ETV2: variants seen among roughly 807,000 people sequenced by gnomAD.
ETV2 encodes ETS translocation variant 2.
Under a neutral mutation model 35.7 loss-of-function variants are expected in ETV2, and 34 were observed. The ratio of observed to expected loss-of-function variants is 0.95; its 90% CI spans 0.72 to 1.27. The LOEUF is 1.27. Among genes scored for constraint, ETV2 ranks in the 50% most tolerant of loss-of-function variants. The probability of loss-of-function intolerance (pLI) is 0.00; values close to 1 mark genes in which losing one functional copy is unlikely to be tolerated. For synonymous variants in ETV2, 207 were observed against 203.9 expected (o/e 1.02, Z -0.13); for missense variants, 512 against 470.5 (o/e 1.09, Z -0.82).
At position 35,644,358 on chromosome 19, in the gene ETV2, TC is replaced by T; in HGVS notation, c.828+15del. 1 of 1,462,428 alleles carries T rather than the reference TC, an allele frequency of 6.8e-7. No individual in the cohort carries two copies. The highest frequency in any genetic ancestry group is 9.1e-7 in the Non-Finnish European group (1 of 1,095,562). 90.6% of individuals were successfully genotyped at this position (1,462,428 alleles called of 1,614,324 possible). On this transcript the variant is annotated intron_variant, in intron 6 of 6. Coordinates refer to ENST00000402764, the MANE Select transcript of ETV2 (RefSeq NM_014209.4). This position sits in a 1 kb window ranked among gnomAD's most constrained non-coding sequence, Gnocchi z 4.7. Reference sequence around the variant, plus strand: ...TGCGACCCCAAAGAGGTGGGGCAGCTCCCCTGCCCAGCCAAATCCGCCCCGT... The same window carrying T: ...TGCGACCCCAAAGAGGTGGGGCAGCTCCCTGCCCAGCCAAATCCGCCCCGT...
rs2146360012 is a variant in ETV2, at chr19:35,642,439, T to C, written c.-22T>C. ...CTGGACTTTTCCCGACCCAGAACAT[T>C]CAGAAGGCCTTCATCGCATCCATGG... On this transcript the variant is annotated 5_prime_UTR_variant, in exon 2 of 7. Transcript: ENST00000402764. The surrounding 1 kb of genome is among the most constrained non-coding windows in gnomAD (Gnocchi z 4.4). The C allele has an allele frequency of 1.3e-6, 2 of 1,522,362 alleles. No individual in the cohort carries two copies. Among genetic ancestry groups the C allele is most frequent in the East Asian group, 2.3e-5 (1 of 44,046 alleles). 94.3% of individuals were successfully genotyped at this position (1,522,362 alleles called of 1,614,324 possible).
rs1330053769 is a variant in ETV2 at position 35,641,790 on chromosome 19, T to A, written c.-394T>A. The A allele has an allele frequency of 1.3e-5, 2 of 151,522 alleles. No homozygotes were observed. The highest frequency in any genetic ancestry group is 2.9e-5 in the Non-Finnish European group (2 of 67,956). The allele number at this position is 151,522 out of a possible 1,614,324, so 9.4% of individuals were successfully genotyped here. A position where few individuals can be genotyped will look rare whatever the true frequency, so the allele number is the denominator to read the frequency against. ...CCAGCTGACCCCAGACCCTCTCCCC[T>A]CACTCCCCCCATGTCGCAGGATCGA... On this transcript the variant is annotated 5_prime_UTR_variant, in exon 1 of 7. Transcript: ENST00000402764.
Position 35,643,114 on chromosome 19 carries a change from C to T in ETV2, c.235+69C>T. The T allele has an allele frequency of 7.3e-7, 1 of 1,370,232 alleles. No homozygotes were observed. Among genetic ancestry groups the T allele is most frequent in the Middle Eastern group, 2.0e-4 (1 of 5,006 alleles). The allele number at this position is 1,370,232 out of a possible 1,614,324, so 84.9% of individuals were successfully genotyped here. A position where few individuals can be genotyped will look rare whatever the true frequency, so the allele number is the denominator to read the frequency against. ...GAGGCACCGGGGCTAGAGGTGTAGA[C>T]TCCCTGATCTTTGAGGACTGAGAAC... is the stretch of plus-strand genomic sequence containing the variant. On this transcript the variant is annotated intron_variant, in intron 4 of 6. Coordinates refer to ENST00000402764, the MANE Select transcript of ETV2 (RefSeq NM_014209.4). The surrounding 1 kb of genome is among the most constrained non-coding windows in gnomAD (Gnocchi z 5.0).
chr19:35,642,574 A>G lies in ETV2; in HGVS notation c.71-41A>G, dbSNP rs954362425. The G allele has an allele frequency of 1.2e-6, 2 of 1,613,378 alleles. No individual in the cohort carries two copies. Among genetic ancestry groups the G allele is most frequent in the South Asian group, 2.2e-5 (2 of 90,996 alleles). ...CACAACGTGTGTGGGGAGGGTGTCC[A>G]GGTGGGGCCTCTGCTGACCCTAACC... On this transcript the variant is annotated intron_variant, in intron 2 of 6. Transcript: ENST00000402764. The surrounding 1 kb of genome is among the most constrained non-coding windows in gnomAD (Gnocchi z 4.4).
chr19:35,644,246 C>G lies in ETV2; in HGVS notation c.727C>G (p.Leu243Val). 6.4e-7 allele frequency: 1 copy of G among 1,559,344 alleles called. No homozygotes were observed. The highest frequency in any genetic ancestry group is 8.7e-7 in the Non-Finnish European group (1 of 1,150,646). Residue 243 changes from leucine to valine, a missense_variant, in exon 6 of 7, where the codon CTG (leucine) becomes GTG (valine). Coordinates refer to ENST00000402764, the MANE Select transcript of ETV2 (RefSeq NM_014209.4). The surrounding 1 kb of genome is among the most constrained non-coding windows in gnomAD (Gnocchi z 4.7). ...CCTTCATCCCGCAGGTCCCATTCAG[C>G]TGTGGCAGTTCCTCCTGGAGCTGCT... is the stretch of plus-strand genomic sequence containing the variant. ...PKTNHRGPIQ[L>V]WQFLLELLHD...
Position 35,643,765 on chromosome 19 carries a change from GC to G in ETV2, c.715+13del. 6.2e-7 allele frequency: 1 copy of G among 1,613,104 alleles called. No homozygotes were observed. Among genetic ancestry groups the G allele is most frequent in the Non-Finnish European group, 8.5e-7 (1 of 1,179,748 alleles). On this transcript the variant is annotated intron_variant, in intron 5 of 6. Transcript: ENST00000402764. The surrounding 1 kb of genome is among the most constrained non-coding windows in gnomAD (Gnocchi z 5.0). ...AACTAACCACCGAGGTGAGAGGGCC[GC>G]AAAGACTGCGGGGAGGGCGAAGCTG... is the stretch of plus-strand genomic sequence containing the variant.
chr19:35,643,806 G>T lies in ETV2; in HGVS notation c.715+53G>T. On this transcript the variant is annotated intron_variant, in intron 5 of 6. Coordinates refer to ENST00000402764, the MANE Select transcript of ETV2 (RefSeq NM_014209.4). The surrounding 1 kb of genome is among the most constrained non-coding windows in gnomAD (Gnocchi z 5.0). ...GGGCGAAGCTGGAGTCCTGAGCCGGGACCCAGGCACCTAAGGGGGCGGGGC... is the reference window on the plus strand; with the variant it reads ...GGGCGAAGCTGGAGTCCTGAGCCGGTACCCAGGCACCTAAGGGGGCGGGGC... The T allele has an allele frequency of 6.2e-7, 1 of 1,608,636 alleles. No individual in the cohort carries two copies. Among genetic ancestry groups the T allele is most frequent in the East Asian group, 2.2e-5 (1 of 44,818 alleles).
At position 35,644,647 on chromosome 19, in the gene ETV2, C is replaced by G; in HGVS notation, c.829-5C>G. ...CCACTCCGACCGAGCGGGCCTCTGT[C>G]CTAGGTGGCTCGGCTGTGGGGCGAG... On this transcript the variant is annotated splice_region_variant and splice_polypyrimidine_tract_variant and intron_variant, in intron 6 of 6. Transcript: ENST00000402764. This position sits in a 1 kb window ranked among gnomAD's most constrained non-coding sequence, Gnocchi z 4.7. 1 of 1,606,448 alleles carries G rather than the reference C, an allele frequency of 6.2e-7. No individual in the cohort carries two copies. Among genetic ancestry groups the G allele is most frequent in the Non-Finnish European group, 8.5e-7 (1 of 1,176,056 alleles).
rs1399865329 is a variant in ETV2 at position 35,644,783 on chromosome 19, C to T, written c.960C>T (p.Phe320=). Residue 320 remains phenylalanine, a synonymous_variant, in exon 7 of 7, where the codon TTC becomes TTT. Transcript: ENST00000402764. The surrounding 1 kb of genome is among the most constrained non-coding windows in gnomAD (Gnocchi z 4.7). ...GGGGGCGAAAGTACACGTACCGCTT[C>T]GGGGGCCGCGTGCCCAGCCTAGCCT... The part of the protein sequence containing the change: ...KSGGRKYTYR[F]GGRVPSLAYP... 1.2e-6 allele frequency: 2 copies of T among 1,611,680 alleles called. No homozygotes were observed. The highest frequency in any genetic ancestry group is 1.7e-5 in the Admixed American group (1 of 59,696).
Position 35,643,951 on chromosome 19 carries a change from G to A in ETV2, c.715+198G>A, listed in dbSNP as rs550955516. Among the ~76,000 whole-genome samples the A allele has an allele frequency of 1.3e-3, 195 of 152,282 alleles. 2 individuals carry two copies. The highest frequency in any genetic ancestry group is 4.5e-3 in the African/African-American group (188 of 41,578). On this transcript the variant is annotated intron_variant, in intron 5 of 6. Coordinates refer to ENST00000402764, the MANE Select transcript of ETV2 (RefSeq NM_014209.4). This position sits in a 1 kb window ranked among gnomAD's most constrained non-coding sequence, Gnocchi z 5.0. ...GCTAAGAAACTGGTAGTCTTATAGGGACCAAGGGGATGAGGACCCAGGCTC... is the reference window on the plus strand; with the variant it reads ...GCTAAGAAACTGGTAGTCTTATAGGAACCAAGGGGATGAGGACCCAGGCTC...
Position 35,644,562 on chromosome 19 carries a change from C to T in ETV2, c.829-90C>T, listed in dbSNP as rs1393756990. ...GGGCTCTGCGAGGCCTCGCCCAGGT[C>T]TGCACTGCACACCGCCCCCAGGCCC... is the stretch of plus-strand genomic sequence containing the variant. On this transcript the variant is annotated intron_variant, in intron 6 of 6. Transcript: ENST00000402764. The surrounding 1 kb of genome is among the most constrained non-coding windows in gnomAD (Gnocchi z 4.7). The T allele has an allele frequency of 8.5e-6, 11 of 1,300,414 alleles. No individual in the cohort carries two copies. The highest frequency in any genetic ancestry group is 1.2e-5 in the Non-Finnish European group (11 of 947,334). The allele number at this position is 1,300,414 out of a possible 1,614,324, so 80.6% of individuals were successfully genotyped here. A position where few individuals can be genotyped will look rare whatever the true frequency, so the allele number is the denominator to read the frequency against.
Position 35,642,475 on chromosome 19 carries a change from C to G in ETV2, c.15C>G (p.Asn5Lys). Residue 5 changes from asparagine to lysine, a missense_variant, in exon 2 of 7, where the codon AAC becomes AAG. By Grantham distance (94) the Asn-to-Lys change is moderately conservative (BLOSUM62 0). Coordinates refer to ENST00000402764, the MANE Select transcript of ETV2 (RefSeq NM_014209.4). This position sits in a 1 kb window ranked among gnomAD's most constrained non-coding sequence, Gnocchi z 4.4. Reference protein sequence around the residue: MDLWNWDEASPQEVP... With the variant: MDLWKWDEASPQEVP... ...TCATCGCATCCATGGACCTGTGGAA[C>G]TGGGATGAGGCATCCCCACAGGAAG... 6.2e-7 allele frequency: 1 copy of G among 1,602,596 alleles called. No individual in the cohort carries two copies. Among genetic ancestry groups the G allele is most frequent in the Non-Finnish European group, 8.5e-7 (1 of 1,173,568 alleles).
Position 35,643,213 on chromosome 19 carries a change from C to T in ETV2, c.236-61C>T, listed in dbSNP as rs1967653771. The T allele has an allele frequency of 6.5e-7, 1 of 1,543,364 alleles. No homozygotes were observed. The highest frequency in any genetic ancestry group is 8.7e-7 in the Non-Finnish European group (1 of 1,148,158). On this transcript the variant is annotated intron_variant, in intron 4 of 6. Transcript: ENST00000402764. The surrounding 1 kb of genome is among the most constrained non-coding windows in gnomAD (Gnocchi z 5.0). ...CAAGTGCCAGGGTTGAGAGCTTAGA[C>T]CCTAGAGTTTTTGAGGGGGCACCTG...
In ETV2 at chr19:35,642,818, C is replaced by A; in HGVS notation, c.154+120C>A. On this transcript the variant is annotated intron_variant, in intron 3 of 6. Transcript: ENST00000402764. The surrounding 1 kb of genome is among the most constrained non-coding windows in gnomAD (Gnocchi z 4.4). ...GGACTGGGTGGGGAGGGGCCGCGTG[C>A]TTGACCCCTGAGGGTGAAGGAAAAG... The A allele has an allele frequency of 9.9e-7, 1 of 1,013,112 alleles. No homozygotes were observed. Among genetic ancestry groups the A allele is most frequent in the Non-Finnish European group, 1.5e-6 (1 of 664,140 alleles). The allele number at this position is 1,013,112 out of a possible 1,614,324, so 62.8% of individuals were successfully genotyped here. A position where few individuals can be genotyped will look rare whatever the true frequency, so the allele number is the denominator to read the frequency against.
At position 35,643,853 on chromosome 19, in the gene ETV2, G is replaced by C. The variant is rs1371711611; in HGVS notation, c.715+100G>C. The C allele has an allele frequency of 3.2e-6, 5 of 1,541,136 alleles. No homozygotes were observed. In the African/African-American group the frequency reaches 6.9e-5, roughly 21 times the overall value. On this transcript the variant is annotated intron_variant, in intron 5 of 6. Transcript: ENST00000402764. The surrounding 1 kb of genome is among the most constrained non-coding windows in gnomAD (Gnocchi z 5.0). The stretch of plus-strand genomic sequence containing the variant: ...GGGCCCGGGAGACTGACAGTGAGGG[G>C]GCGGGGGCTTAGGGACCAGGGGCTC...
rs1037577316 is a variant in ETV2, at chr19:35,643,440, C to G, written c.402C>G (p.Pro134=). The G allele has an allele frequency of 1.9e-6, 3 of 1,546,208 alleles. No individual in the cohort carries two copies. Among genetic ancestry groups the G allele is most frequent in the South Asian group, 1.2e-5 (1 of 83,692 alleles). ...GCGCCGCGGGCCAGAACTGCGTCCC[C>G]GTGGCGGGAGAGGCCACCTCGTGGT... ...SEGAAGQNCV[P]VAGEATSWSR... The change falls in exon 5 of 7, where the codon CCC becomes CCG. Residue 134 remains proline (P), a synonymous_variant. Coordinates refer to ENST00000402764, the MANE Select transcript of ETV2 (RefSeq NM_014209.4). The surrounding 1 kb of genome is among the most constrained non-coding windows in gnomAD (Gnocchi z 5.0).
At position 35,642,676 on chromosome 19, in the gene ETV2, G is replaced by T; in HGVS notation, c.132G>T (p.Ala44=). 1 of 1,601,460 alleles carries T rather than the reference G, an allele frequency of 6.2e-7. No individual in the cohort carries two copies. Among genetic ancestry groups the T allele is most frequent in the South Asian group, 1.1e-5 (1 of 89,062 alleles). ...CACTCCAAGGGGACACGCCGACAGCGACAGCAGAGACATGCTGGAAAGGTG... is the reference window on the plus strand; with the variant it reads ...CACTCCAAGGGGACACGCCGACAGCTACAGCAGAGACATGCTGGAAAGGTG... ...DLALQGDTPT[A]TAETCWKGTS... The change falls in exon 3 of 7, where the codon GCG becomes GCT. Residue 44 remains alanine, a synonymous_variant. Transcript: ENST00000402764. This position sits in a 1 kb window ranked among gnomAD's most constrained non-coding sequence, Gnocchi z 4.4.
In ETV2 at chr19:35,643,522, G is replaced by C. The variant is rs1380295245; in HGVS notation, c.484G>C (p.Gly162Arg). ...TSWDCSVGPD[G>R]DTYWGSGLGG... ...CTGGGACTGTTCTGTGGGGCCCGACGGCGATACCTACTGGGGCAGTGGCCT... is the reference window on the plus strand; with the variant it reads ...CTGGGACTGTTCTGTGGGGCCCGACCGCGATACCTACTGGGGCAGTGGCCT... Residue 162 changes from glycine (G) to arginine (R), a missense_variant, in exon 5 of 7, where the codon GGC becomes CGC. Physicochemically the swap from Gly to Arg is moderately radical, Grantham distance 125. Coordinates refer to ENST00000402764, the MANE Select transcript of ETV2 (RefSeq NM_014209.4). The surrounding 1 kb of genome is among the most constrained non-coding windows in gnomAD (Gnocchi z 5.0). 2.6e-6 allele frequency: 4 copies of C among 1,550,308 alleles called. No homozygotes were observed. The highest frequency in any genetic ancestry group is 2.4e-5 in the East Asian group (1 of 40,864).
rs1180773722 is a variant in ETV2 at position 35,643,332 on chromosome 19, C to G, written c.294C>G (p.Ala98=). ...SGDWTDMACT[A]WDSWSGASQT... ...ACTGGACAGACATGGCGTGCACAGC[C>G]TGGGACTCTTGGAGCGGCGCCTCGC... The change falls in exon 5 of 7, where the codon GCC becomes GCG. Residue 98 remains alanine, a synonymous_variant. Transcript: ENST00000402764. This position sits in a 1 kb window ranked among gnomAD's most constrained non-coding sequence, Gnocchi z 5.0. The G allele has an allele frequency of 6.2e-7, 1 of 1,600,108 alleles. No individual in the cohort carries two copies. The highest frequency in any genetic ancestry group is 2.3e-5 in the East Asian group (1 of 44,302).
Sources: gnomAD v4.1 joint callset for allele counts (sites outside exome capture counted in the v4.1 genomes callset) on GRCh38, gnomAD v4.1.1 for gene constraint, Gnocchi (gnomAD v3.1) non-coding constraint, MANE v1.5 for transcripts, NCBI Gene and HGNC (gene_info 2026-07-23, HGNC 2026-07-21) for gene names.